Variants in FBXO10 observed in about 807,000 individuals in gnomAD.
The protein encoded by FBXO10 is F-box protein 10.
In FBXO10, 39 loss-of-function variants were observed where a neutral mutation model predicts 80.7. That is an observed-to-expected ratio of 0.48 (90% confidence interval 0.37 to 0.63). FBXO10 has a LOEUF of 0.63. FBXO10 is among the 30% of genes least tolerant of loss of function. The pLI is 0.00. For synonymous variants in FBXO10, 449 were observed against 489.6 expected, an observed-to-expected ratio of 0.92 and a Z score of 1.09; for missense variants, 1,025 against 1,269.0, an observed-to-expected ratio of 0.81 and a Z score of 2.92.
chr9:37,553,012 TTGTGTGTGTG>T (rs74171513), intron 1 of FBXO10, among the ~76,000 whole-genome samples: 42 of 144,432 alleles, frequency 2.9e-4, no homozygotes, highest in South Asian at 1.9e-3. Flanking sequence ...CCAATTCAGG[TTGTGTGTGTG>T]TGTGTGTGTG....
chr9:37,527,944 A>T (rs896702468), intron 5 of FBXO10, among the ~76,000 whole-genome samples: 1 of 152,232 alleles, frequency 6.6e-6, no homozygotes, highest in Non-Finnish European at 1.5e-5. Context: ...GGTCTGGTTC[A>T]AAAATTATGG....
rs555948867 is a variant in FBXO10, at chr9:37,537,150, C to T, written c.1379G>A (p.Arg460Gln). The T allele has an allele frequency of 4.6e-5, 75 of 1,613,802 alleles. 1 individual carries two copies. In the South Asian group the frequency reaches 6.5e-4, roughly 14 times the overall value. ...ACACCGCACTGCGTAAGTCAGGTTC[C>T]GGAAGATGTTTCCTTCCATCTTGGC... The part of the protein sequence containing the change: ...GRAKMEGNIF[R>Q]NLTYAVRCIH... Residue 460 changes from arginine (R) to glutamine (Q), a missense_variant, in exon 3 of 11, where the codon CGG (arginine) becomes CAG (glutamine). By Grantham distance (43) the Arg-to-Gln change is conservative (BLOSUM62 1). Around this residue, in one of 3 missense-constraint regions of FBXO10, gnomAD observed 478 missense variants for 667.8 expected, o/e 0.72. Transcript: ENST00000432825.
chr9:37,549,470 C>T (rs1300965030), intron 1 of FBXO10, among the ~76,000 whole-genome samples: 1 of 152,188 alleles, frequency 6.6e-6, no homozygotes, highest in South Asian at 2.1e-4. Flanking sequence ...CCAACGCTTC[C>T]TCAAAAAGTA....
chr9:37,551,317 G>C (rs992493403), intron 1 of FBXO10, among the ~76,000 whole-genome samples: 1 of 152,212 alleles, frequency 6.6e-6, no homozygotes, highest in South Asian at 2.1e-4. Flanking sequence ...GCTTTCCCAG[G>C]CTGGTGCTGT....
At chr9:37,535,198 A>C (rs568513507) in intron 3 of FBXO10, among the ~76,000 whole-genome samples, 2 of 152,132 alleles carry the variant, frequency 1.3e-5, no homozygotes, top group African/African-American at 4.8e-5. Flanking sequence ...AACTAGATCG[A>C]CCTCCTAAGA....
At chr9:37,525,211 G>A (rs1364312304) in intron 5 of FBXO10, 39 bp from the exon 6 acceptor site, 18 of 1,530,162 alleles carry the variant, frequency 1.2e-5, no homozygotes, top group Admixed American at 2.0e-5. Context: ...GGTGAGCCCA[G>A]GGCATCAATG....
At chr9:37,570,355 A>G (rs1822721168) in intron 1 of FBXO10, among the ~76,000 whole-genome samples, 3 of 152,166 alleles carry the variant, frequency 2.0e-5, no homozygotes, top group Non-Finnish European at 1.5e-5. Flanking sequence ...GAGATACCAC[A>G]TATCAAAACT....
At chr9:37,564,325 T>C (rs1428900507) in intron 1 of FBXO10, among the ~76,000 whole-genome samples, 3 of 152,150 alleles carry the variant, frequency 2.0e-5, no homozygotes, top group Non-Finnish European at 4.4e-5. Flanking sequence ...GGAGAACACC[T>C]GCTTGGGCAG....
rs192991480 is a variant in FBXO10 at position 37,515,636 on chromosome 9, T to G, written c.2696+268A>C. 55 of 349,164 alleles carry G rather than the reference T, an allele frequency of 1.6e-4. 1 individual carries two copies. Among genetic ancestry groups the G allele is most frequent in the East Asian group, 8.2e-4 (16 of 19,566 alleles). The allele number at this position is 349,164 out of a possible 1,614,324, so 21.6% of individuals were successfully genotyped here. A position where few individuals can be genotyped will look rare whatever the true frequency, so the allele number is the denominator to read the frequency against. On this transcript the variant is annotated intron_variant, in intron 10 of 10. Transcript: ENST00000432825. ...TTTACTAAGGCTCGAAGATGTGAAGTAAGTTGCCCAAGGTCACACAGCCAG... is the reference window on the plus strand; with the variant it reads ...TTTACTAAGGCTCGAAGATGTGAAGGAAGTTGCCCAAGGTCACACAGCCAG...
intron 1 of FBXO10, among the ~76,000 whole-genome samples, chr9:37,547,693 T>C (rs1822091376): frequency 6.6e-6 from 1 of 152,110 alleles, no homozygotes. Flanking sequence ...GCACAGTGGC[T>C]CACACCTGTA....
chr9:37,533,000 T>C (rs1331175025), intron 3 of FBXO10, among the ~76,000 whole-genome samples: 1 of 152,216 alleles, frequency 6.6e-6, no homozygotes. Flanking sequence ...AAATCTTTCA[T>C]GGTGTATCAC....
At chr9:37,543,844 C>T (rs1220162507) in intron 1 of FBXO10, among the ~76,000 whole-genome samples, 3 of 152,234 alleles carry the variant, frequency 2.0e-5, no homozygotes, top group Non-Finnish European at 4.4e-5. Context: ...GAAAGTAGGA[C>T]TATGGCCGGA....
intron 1 of FBXO10, among the ~76,000 whole-genome samples, chr9:37,555,609 G>A (rs1043409564): frequency 7.2e-5 from 11 of 152,124 alleles, no homozygotes; most frequent in African/African-American, 2.7e-4. Context: ...TCAAACTCCT[G>A]ACCACAGGTG....
intron 3 of FBXO10, chr9:37,536,005 T>C (rs1187728981): frequency 1.3e-5 from 2 of 152,222 alleles, no homozygotes; most frequent in African/African-American, 4.8e-5. Flanking sequence ...TCCCTTTTTA[T>C]TTGGCCATTT....
At chr9:37,534,868 A>C (rs1330278095) in intron 3 of FBXO10, among the ~76,000 whole-genome samples, 1 of 152,158 alleles carries the variant, frequency 6.6e-6, no homozygotes, top group Non-Finnish European at 1.5e-5. Flanking sequence ...TTAGGCCCAG[A>C]TCATCAGAGG....
chr9:37,563,794 G>A (rs1588859616), intron 1 of FBXO10, among the ~76,000 whole-genome samples: 1 of 152,340 alleles, frequency 6.6e-6, no homozygotes, highest in East Asian at 1.9e-4. Context: ...TGGAAAATTT[G>A]CAGGAGATCA....
At chr9:37,522,716 T>A (rs1181124766) in intron 7 of FBXO10, 109 bp downstream of exon 7, 1 of 1,310,480 alleles carries the variant, frequency 7.6e-7, no homozygotes, top group African/African-American at 1.5e-5. Flanking sequence ...CCTGTTCAGA[T>A]GAGGTCTTTG....
intron 9 of FBXO10, among the ~76,000 whole-genome samples, chr9:37,516,457 G>A (rs1190970245): frequency 6.6e-6 from 1 of 152,196 alleles, no homozygotes; most frequent in Non-Finnish European, 1.5e-5. Context: ...AGTGCTCAGA[G>A]GCAAAGCCCC....
chr9:37,512,456 A>C lies in FBXO10; in HGVS notation c.*91T>G. 1 of 1,408,172 alleles carries C rather than the reference A, an allele frequency of 7.1e-7. No homozygotes were observed. The highest frequency in any genetic ancestry group is 9.7e-7 in the Non-Finnish European group (1 of 1,035,454). 87.2% of individuals were successfully genotyped at this position (1,408,172 alleles called of 1,614,324 possible). A position where few individuals can be genotyped will look rare whatever the true frequency, so the allele number is the denominator to read the frequency against. ...CCCGGGACCCATTTGTTCGAGGGGG[A>C]GGGGGAGGGGCGGAGTCTTTTCAGG... On this transcript the variant is annotated 3_prime_UTR_variant, in exon 11 of 11. Transcript: ENST00000432825.
Sources: allele counts gnomAD v4.1 joint callset (sites outside exome capture counted in the v4.1 genomes callset), GRCh38; gene constraint gnomAD v4.1.1; regional missense constraint gnomAD v4.1.1; transcripts MANE v1.5; gene names NCBI Gene and HGNC (gene_info 2026-07-23, HGNC 2026-07-21).